The following SPTA1 variants were observed in gnomAD, a reference collection of about 807,000 sequenced individuals.
SPTA1 encodes spectrin alpha, erythrocytic 1.
In SPTA1, 177 loss-of-function variants were observed where a neutral mutation model predicts 324.7. The observed-to-expected ratio is 0.55, with a 90% CI of 0.48 to 0.62. The LOEUF (loss-of-function observed/expected upper bound fraction) is 0.62. SPTA1 is among the 20% of genes least tolerant of loss of function. The probability of loss-of-function intolerance (pLI) is 0.00; values close to 1 mark genes in which losing one functional copy is unlikely to be tolerated. For missense variants in SPTA1, 3,162 were observed against 2,883.6 expected, an observed-to-expected ratio of 1.10 and a Z score of -2.21; for synonymous variants, 1,195 against 1,041.3, an observed-to-expected ratio of 1.15 and a Z score of -2.84.
chr1:158,626,688 G>A (rs1650294412), intron 41 of SPTA1, 151 bp downstream of exon 41: 2 of 911,230 alleles, frequency 2.2e-6, no homozygotes, highest in South Asian at 1.4e-5. Context: ...GTGTGCAAAT[G>A]TGAGTGTAAT....
intron 18 of SPTA1, among the ~76,000 whole-genome samples, chr1:158,660,137 G>GA (rs1557969588): frequency 6.6e-6 from 1 of 151,924 alleles, no homozygotes; most frequent in Non-Finnish European, 1.5e-5. Context: ...TAGATAAAAA[G>GA]AAAAAACATA....
intron 33 of SPTA1, among the ~76,000 whole-genome samples, chr1:158,642,163 G>C (rs986660176): frequency 2.0e-5 from 3 of 151,992 alleles, no homozygotes; most frequent in Non-Finnish European, 4.4e-5. Context: ...CTGTTGTGGG[G>C]TGGGGGGAGG....
rs1652886373 is a variant in SPTA1, at chr1:158,657,127, A to G, written c.2805+350T>C. Among the ~76,000 whole-genome samples, 3 of 152,198 alleles carry G rather than the reference A, an allele frequency of 2.0e-5. 1 individual carries two copies. The highest frequency in any genetic ancestry group is 2.0e-4 in the Admixed American group (3 of 15,276). ...TATCTGTCCAATTTTATTTTAATCA[A>G]GTAATTAAGGTGTCTCTATCTTAAA... On this transcript the variant is annotated intron_variant, in intron 19 of 51. Transcript: ENST00000643759.
At chr1:158,644,732 T>G (rs948527355) in intron 29 of SPTA1, among the ~76,000 whole-genome samples, 1 of 152,212 alleles carries the variant, frequency 6.6e-6, no homozygotes, top group Non-Finnish European at 1.5e-5. Context: ...CCAAAAGCTT[T>G]AATCACTTCT....
intron 43 of SPTA1, chr1:158,622,779 T>C: frequency 7.3e-6 from 4 of 545,054 alleles, no homozygotes; most frequent in Non-Finnish European, 9.8e-6. Flanking sequence ...AAGTTAGTTA[T>C]GCAACTAATC....
intron 2 of SPTA1, 143 bp downstream of exon 2, chr1:158,684,965 C>T (rs1260605018): frequency 8.3e-6 from 8 of 963,618 alleles, no homozygotes. Flanking sequence ...TCTTTAACTT[C>T]CCACTCCACT....
Position 158,643,443 on chromosome 1 carries a change from A to G in SPTA1, c.4339-18T>C. On this transcript the variant is annotated intron_variant, in intron 30 of 51. Coordinates refer to ENST00000643759, the MANE Select transcript of SPTA1 (RefSeq NM_003126.4). The stretch of plus-strand genomic sequence containing the variant: ...TTCCCTTCCTAAATAAAGGAAAAGG[A>G]AAGAGCCCAGATGCTTGGAGATTAG... 6.2e-7 allele frequency: 1 copy of G among 1,611,084 alleles called. No homozygotes were observed. Among genetic ancestry groups the G allele is most frequent in the Non-Finnish European group, 8.5e-7 (1 of 1,178,326 alleles).
chr1:158,672,780 G>A (rs1483740529), intron 10 of SPTA1, among the ~76,000 whole-genome samples: 1 of 152,052 alleles, frequency 6.6e-6, no homozygotes, highest in Non-Finnish European at 1.5e-5. Context: ...TGTTACACCT[G>A]CAGCTGTATT....
At chr1:158,662,650 A>G in intron 17 of SPTA1, 52 bp downstream of exon 17, 3 of 1,611,792 alleles carry the variant, frequency 1.9e-6, no homozygotes, top group South Asian at 2.2e-5. Context: ...CTCTCTCAAT[A>G]TATAGACCTT....
chr1:158,676,262 T>A lies in SPTA1; in HGVS notation c.991A>T (p.Thr331Ser), dbSNP rs1258857758. The change falls in exon 8 of 52, where the codon ACA becomes TCA. Residue 331 changes from threonine (T) to serine (S), a missense_variant. Transcript: ENST00000643759. ...GGTGCATCTGAAGGATGGGAAAGTGTCAGCTTCTCTGCTTTAGCACATAAC... is the reference window on the plus strand; with the variant it reads ...GGTGCATCTGAAGGATGGGAAAGTGACAGCTTCTCTGCTTTAGCACATAAC... Reference protein sequence around the residue: ...KELCAKAEKLTLSHPSDAPQI... With the variant: ...KELCAKAEKLSLSHPSDAPQI... 2 of 1,613,612 alleles carry A rather than the reference T, an allele frequency of 1.2e-6. No individual in the cohort carries two copies. Among genetic ancestry groups the A allele is most frequent in the African/African-American group, 1.3e-5 (1 of 74,886 alleles).
chr1:158,640,962 T>G (rs1651514742), intron 33 of SPTA1, among the ~76,000 whole-genome samples: 1 of 152,184 alleles, frequency 6.6e-6, no homozygotes, highest in East Asian at 1.9e-4. Context: ...AAAACAGAGA[T>G]ATAGACCAAC....
At chr1:158,647,195 T>C (rs574285637) in intron 27 of SPTA1, among the ~76,000 whole-genome samples, 1 of 152,192 alleles carries the variant, frequency 6.6e-6, no homozygotes, top group Non-Finnish European at 1.5e-5. Context: ...CACTGCTGTT[T>C]GTTACAATGT....
At chr1:158,677,899 C>T in intron 6 of SPTA1, 65 bp from the exon 7 acceptor site, 1 of 1,602,368 alleles carries the variant, frequency 6.2e-7, no homozygotes, top group Non-Finnish European at 8.5e-7. Flanking sequence ...AACGGTCCAA[C>T]AGAACTCACA....
rs1651219887 is a variant in SPTA1, at chr1:158,638,098, T to A, written c.5124A>T (p.Lys1708Asn). The A allele has an allele frequency of 2.5e-6, 4 of 1,614,066 alleles. No homozygotes were observed. The East Asian group carries it at 6.7e-5, about 27-fold the overall frequency. The stretch of plus-strand genomic sequence containing the variant: ...GGAACAAGGCATAGGCCTCTTTCAA[T>A]TTTTCGTGGTGTGCAGCTGCCAATT... The part of the protein sequence containing the change: ...VQELAAAHHE[K>N]LKEAYALFQF... The change falls in exon 36 of 52, where the codon AAA becomes AAT. Residue 1708 changes from lysine (K) to asparagine (N), a missense_variant. Lys to Asn is a moderately conservative substitution (Grantham distance 94, BLOSUM62 0). Coordinates refer to ENST00000643759, the MANE Select transcript of SPTA1 (RefSeq NM_003126.4).
At chr1:158,617,177 T>C (rs1649609622) in intron 47 of SPTA1, among the ~76,000 whole-genome samples, 1 of 152,064 alleles carries the variant, frequency 6.6e-6, no homozygotes, top group African/African-American at 2.4e-5. Flanking sequence ...CACTTTTACA[T>C]TTGCTCCTTT....
At chr1:158,633,661 GAAA>G (rs1036389907) in intron 39 of SPTA1, among the ~76,000 whole-genome samples, 3 of 61,230 alleles carry the variant, frequency 4.9e-5, no homozygotes, top group Non-Finnish European at 7.1e-5. Flanking sequence ...ACTCTGTCTC[GAAA>G]AAAAAAAAAA....
At chr1:158,681,494 G>C (rs1454460701) in intron 4 of SPTA1, 33 bp downstream of exon 4, 1 of 1,613,306 alleles carries the variant, frequency 6.2e-7, no homozygotes, top group South Asian at 1.1e-5. Flanking sequence ...AGGAGTGGGA[G>C]GCCCTGTGTG....
chr1:158,645,251 T>C lies in SPTA1; in HGVS notation c.4131A>G (p.Arg1377=), dbSNP rs756248335. Residue 1377 remains arginine (R), a synonymous_variant, in exon 29 of 52, where the codon AGA becomes AGG. Transcript: ENST00000643759. ...EKKLQAVKLE[R]DDLEKAWEKR... ...TTTCCCAAGCCTTCTCCAAATCATC[T>C]CTCTCTAGCTTGACAGCTTGAAGCT... 2.5e-6 allele frequency: 4 copies of C among 1,613,898 alleles called. No homozygotes were observed. The highest frequency in any genetic ancestry group is 8.5e-7 in the Non-Finnish European group (1 of 1,179,958).
chr1:158,614,336 C>T (rs1277177607), intron 48 of SPTA1, 30 bp from the exon 49 acceptor site: 7 of 1,477,948 alleles, frequency 4.7e-6, no homozygotes, highest in Admixed American at 3.5e-5. Context: ...CATGAATTTT[C>T]CCTGTATATG....
Sources: allele counts gnomAD v4.1 joint callset (sites outside exome capture counted in the v4.1 genomes callset), GRCh38; gene constraint gnomAD v4.1.1; transcripts MANE v1.5; gene names NCBI Gene and HGNC (gene_info 2026-07-23, HGNC 2026-07-21).